The following SLC35H1 variants were observed in gnomAD, a reference collection of about 807,000 sequenced individuals.
SLC35H1 encodes the protein solute carrier family 35 member H1, also known as ovarian cancer-overexpressed gene 1 protein.
At chr20:46,350,147 C>T in the SLC35H1 span, 1 of 350,050 alleles carries the variant, frequency 2.9e-6, no homozygotes, top group Admixed American at 4.4e-5. Context: ...ACTCCCCTCT[C>T]CTGCTGCGAT....
At chr20:46,350,931 G>A in the SLC35H1 span, 2 of 1,610,390 alleles carry the variant, frequency 1.2e-6, no homozygotes, top group Non-Finnish European at 1.7e-6. Flanking sequence ...TCAACAGGCA[G>A]ATTTGGCTGC....
chr20:46,353,430 C>T, the SLC35H1 span, among the ~76,000 whole-genome samples: 5 of 152,190 alleles, frequency 3.3e-5, no homozygotes, highest in Non-Finnish European at 7.3e-5. Context: ...GGTGTATTAG[C>T]ACAGGGTGAA....
the SLC35H1 span, among the ~76,000 whole-genome samples, chr20:46,361,621 C>T: frequency 6.6e-6 from 1 of 152,212 alleles, no homozygotes; most frequent in African/African-American, 2.4e-5. Context: ...CTCTACATGG[C>T]AGGATGTTTA....
the SLC35H1 span, chr20:46,355,455 T>C: frequency 3.1e-6 from 2 of 644,370 alleles, no homozygotes; most frequent in East Asian, 2.7e-5. This position sits in a 1 kb window ranked among gnomAD's most constrained non-coding sequence, Gnocchi z 4.8. Context: ...ACAGCCCTGC[T>C]TGCTCTGCCA....
chr20:46,349,612 A>G, the SLC35H1 span: 1 of 152,530 alleles, frequency 6.6e-6, no homozygotes, highest in Non-Finnish European at 1.5e-5. Context: ...CATTATCCCC[A>G]TTTCACAGAT....
At chr20:46,356,654 A>G in the SLC35H1 span, 1 of 1,612,378 alleles carries the variant, frequency 6.2e-7, no homozygotes, top group East Asian at 2.2e-5. Flanking sequence ...AGACACAGGC[A>G]CCCACAGGAC....
chr20:46,357,465 C>T, the SLC35H1 span, among the ~76,000 whole-genome samples: 3 of 152,304 alleles, frequency 2.0e-5, no homozygotes, highest in Middle Eastern at 0.01. Flanking sequence ...GAGGCAGCAG[C>T]GTGGGTGGTG....
chr20:46,349,991 C>T, the SLC35H1 span: 1 of 156,516 alleles, frequency 6.4e-6, no homozygotes, highest in African/African-American at 2.4e-5. Flanking sequence ...AACCTGCTCT[C>T]TGAGAAAAGA....
At chr20:46,355,680 A>G in the SLC35H1 span, 2 of 1,433,764 alleles carry the variant, frequency 1.4e-6, no homozygotes, top group Non-Finnish European at 9.5e-7. The surrounding 1 kb of genome is among the most constrained non-coding windows in gnomAD (Gnocchi z 4.8). Flanking sequence ...AAAGGGATCT[A>G]CTGCCACCTG....
chr20:46,362,837 G>C, the SLC35H1 span, among the ~76,000 whole-genome samples: 1 of 152,160 alleles, frequency 6.6e-6, no homozygotes, highest in East Asian at 1.9e-4. Flanking sequence ...CGTGATCTCG[G>C]CTCACCGCAA....
the SLC35H1 span, among the ~76,000 whole-genome samples, chr20:46,359,124 C>T: frequency 4.0e-4 from 61 of 152,384 alleles, no homozygotes; most frequent in South Asian, 5.2e-3. Context: ...CCTGGCCCCA[C>T]TGGGCGCCTT....
the SLC35H1 span, chr20:46,358,741 G>T: frequency 6.5e-7 from 1 of 1,545,034 alleles, no homozygotes; most frequent in East Asian, 2.4e-5. Context: ...ATTGGATGCA[G>T]CGCTCACAGG....
At chr20:46,350,251 A>T in the SLC35H1 span, 1 of 986,664 alleles carries the variant, frequency 1.0e-6, no homozygotes, top group Non-Finnish European at 1.5e-6. Context: ...GGCAAAAGTC[A>T]TGAGTCCCTG....
chr20:46,350,637 C>T, the SLC35H1 span: 1 of 1,506,408 alleles, frequency 6.6e-7, no homozygotes, highest in South Asian at 1.3e-5. Flanking sequence ...TGGAGATGAC[C>T]CCCACATCTT....
the SLC35H1 span, chr20:46,352,745 TGAA>T: frequency 7.3e-5 from 11 of 151,126 alleles, no homozygotes; most frequent in Admixed American, 7.0e-4. Flanking sequence ...CCCAGTGGGA[TGAA>T]GGAGATCCTA....
chr20:46,358,748 C>T, the SLC35H1 span: 2 of 1,542,826 alleles, frequency 1.3e-6, no homozygotes, highest in Non-Finnish European at 1.8e-6. Context: ...GCAGCGCTCA[C>T]AGGTCCCAAG....
At chr20:46,359,337 G>A in the SLC35H1 span, among the ~76,000 whole-genome samples, 1 of 152,154 alleles carries the variant, frequency 6.6e-6, no homozygotes, top group Non-Finnish European at 1.5e-5. Flanking sequence ...CATAGCACTT[G>A]TGCAGGGTGT....
At chr20:46,364,065 C>G in the SLC35H1 span, 1 of 152,326 alleles carries the variant, frequency 6.6e-6, no homozygotes, top group Non-Finnish European at 1.5e-5. Flanking sequence ...CCCAATCCCA[C>G]CGCGGGAAGC....
At chr20:46,352,329 C>G in the SLC35H1 span, 1 of 972,118 alleles carries the variant, frequency 1.0e-6, no homozygotes, top group Admixed American at 2.2e-5. Context: ...TGAGTTCTTA[C>G]TGAGACCTGC....
Sources: allele counts gnomAD v4.1 joint callset (sites outside exome capture counted in the v4.1 genomes callset), GRCh38; gene constraint gnomAD v4.1.1; non-coding constraint Gnocchi (gnomAD v3.1); transcripts MANE v1.5; gene names NCBI Gene and HGNC (gene_info 2026-07-23, HGNC 2026-07-21).